Variants in MRPS12 observed in about 807,000 individuals in gnomAD.
MRPS12 encodes the protein mitochondrial ribosomal protein S12.
In MRPS12, 7 loss-of-function variants were observed where a neutral mutation model predicts 8.4. That is an observed-to-expected ratio of 0.83 (90% CI 0.47 to 1.56). MRPS12 has a LOEUF of 1.56. Ranked by LOEUF, MRPS12 falls within the 40% of genes most tolerant of loss-of-function variation. MRPS12 has a pLI of 0.01. For missense variants in MRPS12, 200 were observed against 194.1 expected, an observed-to-expected ratio of 1.03 and a Z score of -0.18; for synonymous variants, 84 against 84.1, an observed-to-expected ratio of 1.00 and a Z score of 0.01.
At chr19:38,932,302 TG>T in intron 2 of MRPS12, 30 bp from the exon 3 acceptor site, 2 of 1,502,474 alleles carry the variant, frequency 1.3e-6, no homozygotes, top group Non-Finnish European at 1.8e-6. Flanking sequence ...ATCTGTTCTC[TG>T]GGATAATAAC....
rs1974789133 is a variant in MRPS12, at chr19:38,932,863, G to A, written c.*163G>A. ...CCATCAGGACCACTATTAAGCCATA[G>A]GAGTCCTGGGGGTGCAAAGGGTGCC... On this transcript the variant is annotated 3_prime_UTR_variant, in exon 3 of 3. Transcript: ENST00000308018. The A allele has an allele frequency of 9.7e-7, 1 of 1,025,674 alleles. No individual in the cohort carries two copies. Among genetic ancestry groups the A allele is most frequent in the Non-Finnish European group, 1.4e-6 (1 of 724,364 alleles). 63.5% of individuals were successfully genotyped at this position (1,025,674 alleles called of 1,614,324 possible).
chr19:38,931,393 T>C (rs770690248), intron 2 of MRPS12, 50 bp downstream of exon 2: 2 of 1,513,724 alleles, frequency 1.3e-6, no homozygotes, highest in South Asian at 2.5e-5. Context: ...GGGAGGGTTA[T>C]TCGCTCTTGG....
At chr19:38,931,248 T>C (rs751918617) in intron 1 of MRPS12, 28 bp from the exon 2 acceptor site, 2 of 1,542,816 alleles carry the variant, frequency 1.3e-6, no homozygotes, top group Non-Finnish European at 1.7e-6. Flanking sequence ...TTTTTCCTCC[T>C]TTCTGAGTCT....
Position 38,932,674 on chromosome 19 carries a change from G to A in MRPS12, c.391G>A (p.Asp131Asn), listed in dbSNP as rs910604321. ...GCTCACCGTTGTGCGTGGCAAGTAC[G>A]ACTGTGGCCACGTGCAGAAGAAGTG... ...VKLTVVRGKY[D>N]CGHVQKK The change falls in exon 3 of 3, where the codon GAC becomes AAC. Residue 131 changes from aspartate (D) to asparagine (N), a missense_variant. Transcript: ENST00000308018. The A allele has an allele frequency of 3.7e-6, 6 of 1,613,270 alleles. No individual in the cohort carries two copies. The highest frequency in any genetic ancestry group is 5.1e-6 in the Non-Finnish European group (6 of 1,179,976).
chr19:38,931,230 T>A, intron 1 of MRPS12, 46 bp from the exon 2 acceptor site: 1 of 1,459,830 alleles, frequency 6.9e-7, no homozygotes, highest in Non-Finnish European at 9.3e-7. Flanking sequence ...CATTTGCGGA[T>A]CGGTCACTTT....
Position 38,932,718 on chromosome 19 carries a change from G to A in MRPS12, c.*18G>A, listed in dbSNP as rs1159062394. Reference sequence around the variant, plus strand: ...AGAAGTGACGGCTGGGGGCACAGTGGGCTGGGCGCCCCTGCAGAACATGAA... The same window carrying A: ...AGAAGTGACGGCTGGGGGCACAGTGAGCTGGGCGCCCCTGCAGAACATGAA... On this transcript the variant is annotated 3_prime_UTR_variant, in exon 3 of 3. Coordinates refer to ENST00000308018, the MANE Select transcript of MRPS12 (RefSeq NM_033362.4). The A allele has an allele frequency of 3.1e-6, 5 of 1,608,474 alleles. No homozygotes were observed. Among genetic ancestry groups the A allele is most frequent in the Middle Eastern group, 1.7e-4 (1 of 5,790 alleles).
chr19:38,931,472 C>G, intron 2 of MRPS12, 129 bp downstream of exon 2: 1 of 844,056 alleles, frequency 1.2e-6, no homozygotes, highest in Non-Finnish European at 1.7e-6. Context: ...TTTGGCAGAG[C>G]TAGGGCTGCT....
chr19:38,931,161 G>A (rs1974740468), intron 1 of MRPS12, 115 bp from the exon 2 acceptor site: 2 of 823,222 alleles, frequency 2.4e-6, no homozygotes, highest in South Asian at 3.4e-5. Flanking sequence ...CCTGTGGTTA[G>A]ACCTATAGAG....
At chr19:38,932,312 A>G in intron 2 of MRPS12, 21 bp from the exon 3 acceptor site, 1 of 1,505,720 alleles carries the variant, frequency 6.6e-7, no homozygotes, top group African/African-American at 1.4e-5. Flanking sequence ...TGGGATAATA[A>G]CCCCTTTCGG....
Position 38,932,705 on chromosome 19 carries a change from TG to T in MRPS12, c.*10del, listed in dbSNP as rs1326428443. ...GGCCACGTGCAGAAGAAGTGACGGC[TG>T]GGGGCACAGTGGGCTGGGCGCCCCT... On this transcript the variant is annotated 3_prime_UTR_variant, in exon 3 of 3. Transcript: ENST00000308018. 6.2e-7 allele frequency: 1 copy of T among 1,611,450 alleles called. No homozygotes were observed.
At chr19:38,931,248 T>G in intron 1 of MRPS12, 28 bp from the exon 2 acceptor site, 3 of 1,542,816 alleles carry the variant, frequency 1.9e-6, no homozygotes, top group Non-Finnish European at 2.6e-6. Flanking sequence ...TTTTTCCTCC[T>G]TTCTGAGTCT....
chr19:38,932,735 G>T lies in MRPS12; in HGVS notation c.*35G>T. On this transcript the variant is annotated 3_prime_UTR_variant, in exon 3 of 3. Transcript: ENST00000308018. ...GCACAGTGGGCTGGGCGCCCCTGCA[G>T]AACATGAACCTTCCGCTCCTGGCTG... 6.3e-7 allele frequency: 1 copy of T among 1,598,226 alleles called. No homozygotes were observed. The highest frequency in any genetic ancestry group is 1.1e-5 in the South Asian group (1 of 90,162).
chr19:38,932,032 A>G (rs1974760916), intron 2 of MRPS12, among the ~76,000 whole-genome samples: 1 of 150,514 alleles, frequency 6.6e-6, no homozygotes, highest in Non-Finnish European at 1.5e-5. Context: ...GCTGCTCAGG[A>G]GGCTGAGACA....
chr19:38,932,198 G>T, intron 2 of MRPS12, 135 bp from the exon 3 acceptor site: 4 of 676,680 alleles, frequency 5.9e-6, no homozygotes, highest in Non-Finnish European at 8.8e-6. Flanking sequence ...AGTTACTTTT[G>T]TCTGTAGATA....
rs780728539 is a variant in MRPS12 at position 38,932,351 on chromosome 19, G to T, written c.68G>T (p.Arg23Leu). Reference sequence around the variant, plus strand: ...TCTCCAGGCCCAGCTCTGGTTCCCCGGCTCTGGGCTACCTGCTCCATGGCT... The same window carrying T: ...TCTCCAGGCCCAGCTCTGGTTCCCCTGCTCTGGGCTACCTGCTCCATGGCT... ...SLTCGPALVP[R>L]LWATCSMATL... is the part of the protein sequence containing the mutation. The change falls in exon 3 of 3, where the codon CGG becomes CTG. Residue 23 changes from arginine to leucine, a missense_variant. Arg to Leu is a moderately radical substitution (Grantham distance 102, BLOSUM62 -2). Transcript: ENST00000308018. 1 of 1,539,326 alleles carries T rather than the reference G, an allele frequency of 6.5e-7. No homozygotes were observed. Among genetic ancestry groups the T allele is most frequent in the South Asian group, 1.2e-5 (1 of 81,988 alleles).
rs901670962 is a variant in MRPS12, at chr19:38,932,183, T to C, written c.50-150T>C. On this transcript the variant is annotated intron_variant, in intron 2 of 2. Transcript: ENST00000308018. ...AAAAAGGTAATGCTTCCTTGAAGAATAAAGAGTTACTTTTGTCTGTAGATA... is the reference window on the plus strand; with the variant it reads ...AAAAAGGTAATGCTTCCTTGAAGAACAAAGAGTTACTTTTGTCTGTAGATA... 6 of 572,320 alleles carry C rather than the reference T, an allele frequency of 1.0e-5. No homozygotes were observed. The Admixed American group carries it at 1.5e-4, about 14-fold the overall frequency. 35.5% of individuals were successfully genotyped at this position (572,320 alleles called of 1,614,324 possible). A position where few individuals can be genotyped will look rare whatever the true frequency, so the allele number is the denominator to read the frequency against.
chr19:38,932,964 A>G lies in MRPS12; in HGVS notation c.*264A>G, dbSNP rs1600180086. On this transcript the variant is annotated 3_prime_UTR_variant, in exon 3 of 3. Coordinates refer to ENST00000308018, the MANE Select transcript of MRPS12 (RefSeq NM_033362.4). ...CTTTTCTGCTGGGACAAGACACTGT[A>G]CTGCCCTCTGCTGGGAAGGGGTTTT... The G allele has an allele frequency of 2.1e-6, 1 of 480,554 alleles. No individual in the cohort carries two copies. The highest frequency in any genetic ancestry group is 3.7e-6 in the Non-Finnish European group (1 of 270,450). The allele number at this position is 480,554 out of a possible 1,614,324, so 29.8% of individuals were successfully genotyped here.
In MRPS12 at chr19:38,932,751, C is replaced by T. The variant is rs1974786693; in HGVS notation, c.*51C>T. The T allele has an allele frequency of 6.3e-7, 1 of 1,580,704 alleles. No individual in the cohort carries two copies. Among genetic ancestry groups the T allele is most frequent in the Middle Eastern group, 2.1e-4 (1 of 4,816 alleles). ...GCCCCTGCAGAACATGAACCTTCCG[C>T]TCCTGGCTGCCACAGGGTCCTCCGA... On this transcript the variant is annotated 3_prime_UTR_variant, in exon 3 of 3. Coordinates refer to ENST00000308018, the MANE Select transcript of MRPS12 (RefSeq NM_033362.4).
intron 2 of MRPS12, 71 bp downstream of exon 2, chr19:38,931,414 C>T (rs985459641): frequency 2.4e-5 from 34 of 1,411,848 alleles, no homozygotes; most frequent in South Asian, 4.3e-5. Context: ...ACTTGTGTGC[C>T]TCCGTCGGAG....
Sources: gnomAD v4.1 joint callset for allele counts (sites outside exome capture counted in the v4.1 genomes callset) on GRCh38, gnomAD v4.1.1 for gene constraint, MANE v1.5 for transcripts, NCBI Gene and HGNC (gene_info 2026-07-23, HGNC 2026-07-21) for gene names.